SLC6A2: variants seen among roughly 807,000 people sequenced by gnomAD.
SLC6A2 encodes sodium-dependent noradrenaline transporter.
SLC6A2 carries 26 observed loss-of-function variants against 71.7 expected under a neutral mutation model. The observed-to-expected ratio is 0.36, with a 90% confidence interval of 0.27 to 0.50. The LOEUF (loss-of-function observed/expected upper bound fraction) is 0.50, where lower values mean the gene tolerates loss of function less well. Ranked by LOEUF, SLC6A2 falls within the 20% of genes least tolerant of loss-of-function variation. The pLI, the probability that SLC6A2 is intolerant of heterozygous loss-of-function variation, is 0.96. For missense variants in SLC6A2, 581 were observed against 803.9 expected, an observed-to-expected ratio of 0.72 and a Z score of 3.35; for synonymous variants, 363 against 337.9, an observed-to-expected ratio of 1.07 and a Z score of -0.82.
chr16:55,696,414 C>T (rs1371527792), intron 9 of SLC6A2, 77 bp downstream of exon 9: 4 of 863,274 alleles, frequency 4.6e-6, no homozygotes, highest in Non-Finnish European at 8.0e-6. Context: ...AGTGCTGGGC[C>T]TGAAGTTCCC....
chr16:55,670,489 T>G (rs1347486174), intron 3 of SLC6A2, among the ~76,000 whole-genome samples: 1 of 152,220 alleles, frequency 6.6e-6, no homozygotes, highest in Non-Finnish European at 1.5e-5. Flanking sequence ...TCTGTTACAG[T>G]AAAGTCCGGG....
rs370958348 is a variant in SLC6A2, at chr16:55,656,532, G to T, written c.-51-112G>T. 3.5e-6 allele frequency: 3 copies of T among 856,160 alleles called. No homozygotes were observed. The highest frequency in any genetic ancestry group is 4.1e-5 in the Admixed American group (2 of 48,836). The allele number at this position is 856,160 out of a possible 1,614,324, so 53.0% of individuals were successfully genotyped here. A position where few individuals can be genotyped will look rare whatever the true frequency, so the allele number is the denominator to read the frequency against. On this transcript the variant is annotated intron_variant, in intron 1 of 14. Transcript: ENST00000568943. This position sits in a 1 kb window ranked among gnomAD's most constrained non-coding sequence, Gnocchi z 4.5. ...GCGCGCCCTTTTCTGGGAACCCTGC[G>T]TCCGCTCAGCGCGCGCTCATCCCAG... is the stretch of plus-strand genomic sequence containing the variant.
In SLC6A2 at chr16:55,702,747, C is replaced by CCAAG. The variant is rs201774381; in HGVS notation, c.*401_*402insCAAG. ...TGGGCTTTTGATCAGATACCCCTCC[C>CCAAG]AAAAAAAAAAAAAACTAAAACTAAA... is the stretch of plus-strand genomic sequence containing the variant. On this transcript the variant is annotated 3_prime_UTR_variant, in exon 15 of 15. Transcript: ENST00000568943. 48 of 920,678 alleles carry CCAAG rather than the reference C, an allele frequency of 5.2e-5. 1 individual carries two copies. In the African/African-American group the frequency reaches 8.3e-4, roughly 16 times the overall value. 57.0% of individuals were successfully genotyped at this position (920,678 alleles called of 1,614,324 possible).
At chr16:55,687,287 T>G (rs114054090) in intron 5 of SLC6A2, among the ~76,000 whole-genome samples, 680 of 23,076 alleles carry the variant, frequency 0.029, 6 homozygotes, top group African/African-American at 0.075. Flanking sequence ...TTGTTTCAGT[T>G]ACAGCAATCT....
chr16:55,684,738 A>G (rs1965392476), intron 4 of SLC6A2, among the ~76,000 whole-genome samples: 1 of 152,206 alleles, frequency 6.6e-6, no homozygotes, highest in Admixed American at 6.5e-5. Context: ...ATATTGCCAA[A>G]TATCCTCCGG....
At chr16:55,683,969 G>T (rs1021143181) in intron 4 of SLC6A2, among the ~76,000 whole-genome samples, 8 of 152,218 alleles carry the variant, frequency 5.3e-5, no homozygotes, top group African/African-American at 1.9e-4. Flanking sequence ...AGCAGTGTGT[G>T]CTAGAGCCAT....
chr16:55,687,773 A>G (rs1965500572), intron 5 of SLC6A2, among the ~76,000 whole-genome samples: 1 of 152,256 alleles, frequency 6.6e-6, no homozygotes, highest in Admixed American at 6.5e-5. Context: ...CAAAGAGGGT[A>G]GAGCCTGCCC....
intron 2 of SLC6A2, among the ~76,000 whole-genome samples, chr16:55,665,631 G>A (rs959725271): frequency 3.3e-5 from 5 of 151,906 alleles, no homozygotes; most frequent in Admixed American, 2.0e-4. Context: ...CACCTCCCCC[G>A]AGATCCTCAG....
At chr16:55,663,689 G>T (rs1336587661) in intron 2 of SLC6A2, among the ~76,000 whole-genome samples, 1 of 151,900 alleles carries the variant, frequency 6.6e-6, no homozygotes, top group Non-Finnish European at 1.5e-5. Context: ...ATTGTTCCTG[G>T]CTCAAAATAC....
rs553984925 is a variant in SLC6A2, at chr16:55,668,855, G to A, written c.275-710G>A. Among the ~76,000 whole-genome samples, 614 of 152,236 alleles carry A rather than the reference G, an allele frequency of 4.0e-3. 8 individuals are homozygous for A. Among genetic ancestry groups the A allele is most frequent in the Middle Eastern group, 0.024 (7 of 294 alleles). ...TGCTTCAGCCACCTGTAACAGTGGG[G>A]ACCTAGTGGGTCACAAGGCCGGAAT... On this transcript the variant is annotated intron_variant, in intron 2 of 14. Transcript: ENST00000568943.
intron 5 of SLC6A2, among the ~76,000 whole-genome samples, chr16:55,686,830 T>C (rs1271867704): frequency 1.3e-5 from 2 of 152,190 alleles, no homozygotes. Flanking sequence ...AAAACCAGGA[T>C]AGGACCACTA....
rs566288812 is a variant in SLC6A2, at chr16:55,671,378, C to G, written c.407-560C>G. Among the ~76,000 whole-genome samples, 8 of 152,246 alleles carry G rather than the reference C, an allele frequency of 5.3e-5. No individual in the cohort carries two copies. In the South Asian group the frequency reaches 1.7e-3, roughly 32 times the overall value. On this transcript the variant is annotated intron_variant, in intron 3 of 14. Transcript: ENST00000568943. Reference sequence around the variant, plus strand: ...AGCAGGTGGTGAGTGGGCAGGGGAGCTCCAGTGGAAAGAGAGAGCTCTCGG... The same window carrying G: ...AGCAGGTGGTGAGTGGGCAGGGGAGGTCCAGTGGAAAGAGAGAGCTCTCGG...
chr16:55,672,270 A>C, intron 4 of SLC6A2, 95 bp downstream of exon 4: 3 of 1,605,818 alleles, frequency 1.9e-6, no homozygotes, highest in South Asian at 2.2e-5. Context: ...AAGGAGACGC[A>C]TGCCGTCAGG....
intron 6 of SLC6A2, 66 bp from the exon 7 acceptor site, chr16:55,693,944 C>T (rs563478174): frequency 6.5e-5 from 70 of 1,072,352 alleles, no homozygotes; most frequent in South Asian, 8.7e-5. Flanking sequence ...TCAGCCCTTC[C>T]GGACCAGTGA....
At chr16:55,695,816 C>T (rs1403802683) in intron 8 of SLC6A2, among the ~76,000 whole-genome samples, 2 of 152,206 alleles carry the variant, frequency 1.3e-5, no homozygotes, top group Admixed American at 1.3e-4. Flanking sequence ...ATAGTATTCA[C>T]ACCCCAATCA....
intron 3 of SLC6A2, among the ~76,000 whole-genome samples, chr16:55,671,369 G>A (rs548643213): frequency 6.6e-6 from 1 of 152,266 alleles, no homozygotes; most frequent in South Asian, 2.1e-4. Flanking sequence ...TGGTGAGTGG[G>A]CAGGGGAGCT....
chr16:55,697,451 G>A (rs1372969732), intron 9 of SLC6A2, among the ~76,000 whole-genome samples: 12 of 152,144 alleles, frequency 7.9e-5, no homozygotes, highest in African/African-American at 2.9e-4. Flanking sequence ...TCATTAGAAA[G>A]GCAGCCAAAA....
At chr16:55,700,443 C>T in intron 13 of SLC6A2, 137 bp downstream of exon 13, 1 of 707,988 alleles carries the variant, frequency 1.4e-6, no homozygotes, top group South Asian at 1.9e-5. Flanking sequence ...ACCTCATTGG[C>T]CAGGTTATTT....
At chr16:55,699,686 T>G in intron 12 of SLC6A2, 32 bp downstream of exon 12, 1 of 1,446,164 alleles carries the variant, frequency 6.9e-7, no homozygotes. Flanking sequence ...GTCCTGCATG[T>G]GGGGAGGGGG....
Sources: allele counts gnomAD v4.1 joint callset (sites outside exome capture counted in the v4.1 genomes callset), GRCh38; gene constraint gnomAD v4.1.1; non-coding constraint Gnocchi (gnomAD v3.1); transcripts MANE v1.5; gene names NCBI Gene and HGNC (gene_info 2026-07-23, HGNC 2026-07-21).